Variants in CNBD1 observed in about 807,000 individuals in gnomAD.
CNBD1 encodes the protein cyclic nucleotide binding domain containing 1.
CNBD1 carries 71 observed loss-of-function variants against 54.4 expected under a neutral mutation model. The observed-to-expected ratio is 1.30, with a 90% CI of 1.08 to 1.59. The LOEUF is 1.59. CNBD1 is among the 40% of genes most tolerant of loss of function. The pLI, the probability that CNBD1 is intolerant of heterozygous loss-of-function variation, is 0.00. For synonymous variants in CNBD1, 182 were observed against 170.7 expected, an observed-to-expected ratio of 1.07 and a Z score of -0.51; for missense variants, 659 against 518.0, an observed-to-expected ratio of 1.27 and a Z score of -2.64.
In CNBD1 at chr8:87,185,632, G is replaced by C. The variant is rs570980380; in HGVS notation, c.432-20361G>C. 9.9e-5 allele frequency among the ~76,000 whole-genome samples: 15 copies of C among 152,222 alleles called. No homozygotes were observed. In the East Asian group the frequency reaches 2.9e-3, roughly 29 times the overall value. On this transcript the variant is annotated intron_variant, in intron 4 of 10. Coordinates refer to ENST00000518476, the MANE Select transcript of CNBD1 (RefSeq NM_173538.3). ...TATAAGGTTTCTACTCTGCTTTTTA[G>C]AAACAAGAACTATTCCCAGGTCTGT...
At chr8:87,164,421 G>A (rs1303082732) in intron 4 of CNBD1, among the ~76,000 whole-genome samples, 1 of 151,336 alleles carries the variant, frequency 6.6e-6, no homozygotes. Flanking sequence ...GACCCTAGAT[G>A]TTTTTTCCTT....
chr8:87,134,784 T>C (rs1812193518), intron 4 of CNBD1, among the ~76,000 whole-genome samples: 1 of 151,358 alleles, frequency 6.6e-6, no homozygotes, highest in Non-Finnish European at 1.5e-5. Context: ...TTTGAATTTT[T>C]TTTTTTTAGT....
intron 2 of CNBD1, among the ~76,000 whole-genome samples, chr8:86,896,565 A>G (rs1449772092): frequency 6.6e-6 from 1 of 152,128 alleles, no homozygotes; most frequent in Admixed American, 6.6e-5. Context: ...TGATACTATC[A>G]TAAAGGGGAT....
At chr8:87,011,119 T>C (rs1180397264) in intron 4 of CNBD1, among the ~76,000 whole-genome samples, 1 of 151,974 alleles carries the variant, frequency 6.6e-6, no homozygotes, top group Non-Finnish European at 1.5e-5. Flanking sequence ...GTTTATTTTG[T>C]CCCTAAAGTG....
At chr8:87,324,390 C>G (rs1010757714) in intron 8 of CNBD1, among the ~76,000 whole-genome samples, 1 of 127,326 alleles carries the variant, frequency 7.9e-6, no homozygotes, top group South Asian at 2.3e-4. Flanking sequence ...ACCAGTTCCT[C>G]CTTGTACCTC....
intron 4 of CNBD1, among the ~76,000 whole-genome samples, chr8:87,020,638 T>A (rs1049111581): frequency 6.6e-6 from 1 of 151,684 alleles, no homozygotes; most frequent in East Asian, 1.9e-4. Flanking sequence ...GACTTACTTT[T>A]CAATCTAACT....
intron 4 of CNBD1, among the ~76,000 whole-genome samples, chr8:87,069,555 A>G (rs974958187): frequency 1.3e-5 from 2 of 152,068 alleles, no homozygotes; most frequent in Non-Finnish European, 2.9e-5. Flanking sequence ...TATACCATCT[A>G]GGTTTGCGTA....
intron 3 of CNBD1, among the ~76,000 whole-genome samples, chr8:86,914,783 A>T (rs1260215627): frequency 1.3e-5 from 2 of 152,210 alleles, no homozygotes; most frequent in African/African-American, 4.8e-5. Flanking sequence ...TCTAAAGTGC[A>T]CTCTCAGAAA....
At chr8:86,866,664 T>C (rs1808369878) in intron 1 of CNBD1, 81 bp downstream of exon 1, 2 of 1,014,588 alleles carry the variant, frequency 2.0e-6, no homozygotes, top group Admixed American at 4.0e-5. Context: ...AAATTGGGGG[T>C]ATTTCAGGGT....
intron 10 of CNBD1, among the ~76,000 whole-genome samples, chr8:87,361,501 A>C (rs982720076): frequency 6.6e-6 from 1 of 151,868 alleles, no homozygotes; most frequent in Admixed American, 6.6e-5. Context: ...CAATTTCACT[A>C]TAAATTACAT....
intron 6 of CNBD1, among the ~76,000 whole-genome samples, chr8:87,260,896 A>G (rs1453117006): frequency 6.6e-6 from 1 of 152,080 alleles, no homozygotes; most frequent in Non-Finnish European, 1.5e-5. Flanking sequence ...CCCATTTTTT[A>G]TCTAAAATAT....
At chr8:87,374,384 T>C (rs1007048293) in intron 10 of CNBD1, among the ~76,000 whole-genome samples, 9 of 151,846 alleles carry the variant, frequency 5.9e-5, no homozygotes, top group African/African-American at 1.9e-4. Flanking sequence ...TACAGAGTTA[T>C]GCACAAATGA....
intron 6 of CNBD1, among the ~76,000 whole-genome samples, chr8:87,268,751 G>A (rs1336632226): frequency 6.6e-6 from 1 of 152,024 alleles, no homozygotes; most frequent in African/African-American, 2.4e-5. Context: ...GTCTGTTCAT[G>A]TCCTTTGCCC....
At chr8:87,418,771 A>G (rs1433314371) in intron 2 of CNBD1, among the ~76,000 whole-genome samples, 4 of 151,964 alleles carry the variant, frequency 2.6e-5, no homozygotes, top group Non-Finnish European at 5.9e-5. Flanking sequence ...TTTACATCCA[A>G]TAGGATATCA....
chr8:87,368,310 G>A (rs1395788023), intron 10 of CNBD1, among the ~76,000 whole-genome samples: 1 of 151,998 alleles, frequency 6.6e-6, no homozygotes, highest in Non-Finnish European at 1.5e-5. Context: ...AGTTTTGGAA[G>A]GGCAGACTAG....
intron 10 of CNBD1, among the ~76,000 whole-genome samples, chr8:87,381,101 C>G (rs534544573): frequency 6.6e-6 from 1 of 151,964 alleles, no homozygotes; most frequent in Non-Finnish European, 1.5e-5. Context: ...CAAAGGCAAC[C>G]TATAGAATGG....
chr8:87,065,357 A>C (rs552779750), intron 4 of CNBD1, among the ~76,000 whole-genome samples: 2 of 152,052 alleles, frequency 1.3e-5, no homozygotes, highest in South Asian at 4.1e-4. Flanking sequence ...AATTCTGGAA[A>C]TATTTTGATG....
chr8:86,911,924 A>G (rs1409728506), intron 3 of CNBD1, among the ~76,000 whole-genome samples: 2 of 152,156 alleles, frequency 1.3e-5, no homozygotes, highest in Non-Finnish European at 2.9e-5. Flanking sequence ...AAAGATCTCT[A>G]CTAGGAAAAC....
downstream of CNBD1, among the ~76,000 whole-genome samples, chr8:87,385,874 G>T (rs565430895): frequency 6.6e-6 from 1 of 152,250 alleles, no homozygotes; most frequent in African/African-American, 2.4e-5. Context: ...ACCCAGTAGG[G>T]TCAGACTGAC....
Sources: gnomAD v4.1 joint callset for allele counts (sites outside exome capture counted in the v4.1 genomes callset) on GRCh38, gnomAD v4.1.1 for gene constraint, MANE v1.5 for transcripts, NCBI Gene and HGNC (gene_info 2026-07-23, HGNC 2026-07-21) for gene names.